Variants in ASTN2 observed in about 807,000 individuals in gnomAD.
ASTN2 encodes the protein astrotactin-2.
In ASTN2, 54 loss-of-function variants were observed where a neutral mutation model predicts 139.8. That is an observed-to-expected ratio of 0.39 (90% CI 0.31 to 0.48). The LOEUF is 0.48. ASTN2 is among the 20% of genes least tolerant of loss of function. ASTN2 has a pLI of 0.95. For missense variants in ASTN2, 1,565 were observed against 1,725.1 expected, an observed-to-expected ratio of 0.91 and a Z score of 1.64; for synonymous variants, 756 against 719.5, an observed-to-expected ratio of 1.05 and a Z score of -0.81.
intron 19 of ASTN2, among the ~76,000 whole-genome samples, chr9:116,576,839 CT>C (rs1201702955): frequency 3.7e-4 from 57 of 152,188 alleles, no homozygotes; most frequent in African/African-American, 1.4e-3. Context: ...ACCATCTCTC[CT>C]TTGAAAACCA....
chr9:116,721,154 T>C (rs1828463645), intron 16 of ASTN2, among the ~76,000 whole-genome samples: 1 of 152,180 alleles, frequency 6.6e-6, no homozygotes, highest in South Asian at 2.1e-4. Context: ...TATTTTCTTA[T>C]TCCATCTATA....
chr9:116,432,602 C>T (rs1223044650), intron 22 of ASTN2, among the ~76,000 whole-genome samples: 2 of 152,120 alleles, frequency 1.3e-5, no homozygotes, highest in African/African-American at 4.8e-5. Context: ...TGTAGGTTTC[C>T]TCTGGTGTCC....
At chr9:116,751,048 G>T (rs1027689597) in intron 13 of ASTN2, among the ~76,000 whole-genome samples, 1 of 152,100 alleles carries the variant, frequency 6.6e-6, no homozygotes, top group African/African-American at 2.4e-5. Context: ...CCTCAGGTTT[G>T]TCTATAATAC....
At chr9:116,944,125 C>G (rs776012981) in intron 10 of ASTN2, among the ~76,000 whole-genome samples, 1 of 151,856 alleles carries the variant, frequency 6.6e-6, no homozygotes, top group East Asian at 1.9e-4. Flanking sequence ...CTATTATTAT[C>G]TCCATTTTAC....
At chr9:116,933,979 C>CTTTTTGTTTTTTTTTTTTTTTTTTTTT (rs1834987247) in intron 10 of ASTN2, among the ~76,000 whole-genome samples, 1 of 86,910 alleles carries the variant, frequency 1.2e-5, no homozygotes. Context: ...AGTGTTAGTC[C>CTTTTTGTTTTTTTTTTTTTTTTTTTTT]TTTTTTTTTT....
At chr9:117,249,178 T>G (rs915281477) in intron 2 of ASTN2, among the ~76,000 whole-genome samples, 1 of 152,172 alleles carries the variant, frequency 6.6e-6, no homozygotes. Context: ...GTTCTTCAAG[T>G]AGCTACTTGG....
At chr9:117,192,684 T>C (rs2132971714) in intron 3 of ASTN2, among the ~76,000 whole-genome samples, 1 of 152,324 alleles carries the variant, frequency 6.6e-6, no homozygotes, top group African/African-American at 2.4e-5. Context: ...AATGTAGATA[T>C]AACAAGTTGT....
At chr9:116,917,841 G>A (rs1170137848) in intron 10 of ASTN2, among the ~76,000 whole-genome samples, 1 of 152,166 alleles carries the variant, frequency 6.6e-6, no homozygotes, top group Non-Finnish European at 1.5e-5. Flanking sequence ...TGGGAGATAT[G>A]GTACTAGCCT....
intron 1 of ASTN2, among the ~76,000 whole-genome samples, chr9:117,331,946 A>G (rs1348930720): frequency 6.6e-6 from 1 of 151,946 alleles, no homozygotes; most frequent in Non-Finnish European, 1.5e-5. Context: ...ATTTTCACAC[A>G]TGTTCTTAGA....
intron 3 of ASTN2, among the ~76,000 whole-genome samples, chr9:117,194,836 G>C (rs987054453): frequency 1.3e-5 from 2 of 152,160 alleles, no homozygotes; most frequent in Non-Finnish European, 1.5e-5. Context: ...TGAGATAGAT[G>C]CAAAGATTCA....
At chr9:116,756,076 T>G (rs907141851) in intron 13 of ASTN2, among the ~76,000 whole-genome samples, 6 of 152,240 alleles carry the variant, frequency 3.9e-5, no homozygotes, top group African/African-American at 1.4e-4. Context: ...ACAGTAGCCA[T>G]GTAAAACTAA....
At position 116,455,897 on chromosome 9, in the gene ASTN2, A is replaced by T. The variant is rs573567269; in HGVS notation, c.3498-13344T>A. Among the ~76,000 whole-genome samples the T allele has an allele frequency of 2.0e-5, 3 of 152,260 alleles. No individual in the cohort carries two copies. In the South Asian group the frequency reaches 6.2e-4, roughly 32 times the overall value. ...CACAATAAAACTATATACAATAGAC[A>T]CACAGCTAGTATTATACCAAATGGG... On this transcript the variant is annotated intron_variant, in intron 20 of 22. Coordinates refer to ENST00000313400, the MANE Select transcript of ASTN2 (RefSeq NM_001365068.1).
intron 4 of ASTN2, among the ~76,000 whole-genome samples, chr9:117,122,731 G>A (rs903208326): frequency 6.6e-6 from 1 of 152,132 alleles, no homozygotes; most frequent in Non-Finnish European, 1.5e-5. Context: ...GGTGGCTACG[G>A]CTGTGTTCAT....
At chr9:116,818,785 A>G (rs1262225435) in intron 12 of ASTN2, among the ~76,000 whole-genome samples, 1 of 152,200 alleles carries the variant, frequency 6.6e-6, no homozygotes, top group Non-Finnish European at 1.5e-5. Flanking sequence ...TAACATCTCT[A>G]TAGACAGATA....
intron 19 of ASTN2, among the ~76,000 whole-genome samples, chr9:116,592,586 G>C (rs994142180): frequency 1.3e-5 from 2 of 152,138 alleles, no homozygotes; most frequent in African/African-American, 4.8e-5. Flanking sequence ...TTCAAGTTTT[G>C]CTTTTTAAAA....
intron 20 of ASTN2, among the ~76,000 whole-genome samples, chr9:116,455,348 CAAAAAA>C (rs34816182): frequency 8.1e-6 from 1 of 123,786 alleles, no homozygotes; most frequent in Non-Finnish European, 1.7e-5. Context: ...GATTCTGTCT[CAAAAAA>C]AAAAAAAAAA....
Position 116,820,618 on chromosome 9 carries a change from C to G in ASTN2, c.2206G>C (p.Gly736Arg), listed in dbSNP as rs149350423. ...ATSSTIFMFC[G>R]CVEEYKLAPD... ...TGGGCCTTGGGGACAGAGACTCACC[C>G]GCAGAACATGAAGATGGTGCTCGAA... The change falls in exon 12 of 23, where the codon GGT (glycine) becomes CGT (arginine). Residue 736 changes from glycine to arginine, a missense_variant and splice_region_variant. Gly to Arg is a moderately radical substitution (Grantham distance 125). Coordinates refer to ENST00000313400, the MANE Select transcript of ASTN2 (RefSeq NM_001365068.1). 21 of 1,613,058 alleles carry G rather than the reference C, an allele frequency of 1.3e-5. No homozygotes were observed. The African/African-American group carries it at 2.7e-4, about 21-fold the overall frequency.
intron 4 of ASTN2, among the ~76,000 whole-genome samples, chr9:117,126,866 G>C (rs923324993): frequency 2.6e-5 from 4 of 152,186 alleles, no homozygotes; most frequent in Admixed American, 6.5e-5. Flanking sequence ...TGCAGTCTCA[G>C]GGCTGAGCAT....
chr9:117,255,057 A>ATTTTT (rs1564109383), intron 2 of ASTN2, among the ~76,000 whole-genome samples: 1 of 152,200 alleles, frequency 6.6e-6, no homozygotes, highest in Non-Finnish European at 1.5e-5. Flanking sequence ...AAATAATCAC[A>ATTTTT]GTTCTTCTGG....
Sources: gnomAD v4.1 joint callset for allele counts (sites outside exome capture counted in the v4.1 genomes callset) on GRCh38, gnomAD v4.1.1 for gene constraint, MANE v1.5 for transcripts, NCBI Gene and HGNC (gene_info 2026-07-23, HGNC 2026-07-21) for gene names.